PDE4D: variants seen among roughly 807,000 people sequenced by gnomAD.
The protein encoded by PDE4D is 3',5'-cyclic-AMP phosphodiesterase 4D.
Under a neutral mutation model 87.4 loss-of-function variants are expected in PDE4D, and 24 were observed. The observed-to-expected ratio is 0.27, with a 90% CI of 0.20 to 0.39. The LOEUF (loss-of-function observed/expected upper bound fraction) is 0.39, where lower values mean the gene tolerates loss of function less well. Among genes scored for constraint, PDE4D ranks in the 10% least tolerant of loss-of-function variants. The pLI is 1.00. For missense variants in PDE4D, 714 were observed against 1,041.0 expected (o/e 0.69, Z 4.32); for synonymous variants, 384 against 383.2 (o/e 1.00, Z -0.02).
chr5:59,449,785 C>A (rs866260323), intron 1 of PDE4D, among the ~76,000 whole-genome samples: 41 of 151,118 alleles, frequency 2.7e-4, no homozygotes, highest in Admixed American at 2.1e-3. Context: ...AAAAAAAAAA[C>A]CACCTACTTT....
At chr5:60,043,432 G>C (rs1768761467) in intron 2 of PDE4D, among the ~76,000 whole-genome samples, 1 of 152,018 alleles carries the variant, frequency 6.6e-6, no homozygotes, top group Non-Finnish European at 1.5e-5. Flanking sequence ...TTCAAATTCA[G>C]GAAATACAGA....
intron 1 of PDE4D, among the ~76,000 whole-genome samples, chr5:59,687,838 G>A (rs1750167727): frequency 6.6e-6 from 1 of 152,044 alleles, no homozygotes; most frequent in South Asian, 2.1e-4. Flanking sequence ...CACGTGCAGA[G>A]ACACACACAG....
chr5:59,738,681 C>T (rs952521011), intron 1 of PDE4D, among the ~76,000 whole-genome samples: 4 of 151,382 alleles, frequency 2.6e-5, no homozygotes, highest in African/African-American at 9.7e-5. Flanking sequence ...TTTTTACATG[C>T]CTGAAATATT....
intron 1 of PDE4D, among the ~76,000 whole-genome samples, chr5:59,690,548 C>A (rs531902754): frequency 6.6e-6 from 1 of 152,280 alleles, no homozygotes; most frequent in East Asian, 1.9e-4. Flanking sequence ...CTCTTCCGTA[C>A]ACCTTATACA....
At chr5:59,968,263 T>C (rs1431470190) in intron 3 of PDE4D, among the ~76,000 whole-genome samples, 2 of 152,034 alleles carry the variant, frequency 1.3e-5, no homozygotes, top group Non-Finnish European at 2.9e-5. Flanking sequence ...GGATTACAGG[T>C]GTGAGCCACT....
intron 1 of PDE4D, among the ~76,000 whole-genome samples, chr5:59,464,743 C>G (rs1006759899): frequency 3.7e-4 from 56 of 152,270 alleles, no homozygotes; most frequent in African/African-American, 1.3e-3. Context: ...GGAGGGGCAA[C>G]CCACCCCTTC....
chr5:60,202,113 T>C (rs1741985368), intron 1 of PDE4D, among the ~76,000 whole-genome samples: 3 of 152,234 alleles, frequency 2.0e-5, no homozygotes, highest in Admixed American at 2.0e-4. Context: ...CTGAGCACTA[T>C]ATATGCCAGA....
chr5:60,435,661 G>T (rs1744701818), intron 1 of PDE4D, among the ~76,000 whole-genome samples: 1 of 151,680 alleles, frequency 6.6e-6, no homozygotes, highest in African/African-American at 2.4e-5. Flanking sequence ...AATTATTTAG[G>T]ACGTGAAGAT....
chr5:59,901,923 AACACACACACACACACACAC>A (rs59453461), intron 3 of PDE4D, among the ~76,000 whole-genome samples: 14,687 of 134,308 alleles, frequency 0.11, 973 homozygotes, highest in African/African-American at 0.2. Flanking sequence ...CTTACATGCA[AACACACACACACACACACAC>A]ACACACACAC....
chr5:59,570,165 C>A (rs1487374880), intron 1 of PDE4D, among the ~76,000 whole-genome samples: 3 of 152,044 alleles, frequency 2.0e-5, no homozygotes, highest in African/African-American at 7.3e-5. Flanking sequence ...ACCTTCTAGC[C>A]TTGTCTTATT....
intron 3 of PDE4D, among the ~76,000 whole-genome samples, chr5:59,913,410 T>A (rs535525248): frequency 6.6e-6 from 1 of 152,316 alleles, no homozygotes; most frequent in South Asian, 2.1e-4. Flanking sequence ...ACACCTTTCA[T>A]ATATGTGAGA....
At chr5:60,184,587 C>A (rs917677037) in intron 2 of PDE4D, among the ~76,000 whole-genome samples, 1 of 152,170 alleles carries the variant, frequency 6.6e-6, no homozygotes. Flanking sequence ...ATTGGCATAT[C>A]TCTCAGCATA....
intron 11 of PDE4D, among the ~76,000 whole-genome samples, chr5:58,981,143 C>T (rs542383900): frequency 9.2e-4 from 140 of 152,290 alleles, no homozygotes; most frequent in Admixed American, 3.3e-3. Context: ...CTCACAGACG[C>T]ACCCCAAAAT....
chr5:59,977,942 G>A lies in PDE4D; in HGVS notation c.272+10546C>T, dbSNP rs78029989. 8.1e-3 allele frequency among the ~76,000 whole-genome samples: 1,238 copies of A among 152,288 alleles called. 19 individuals are homozygous for A. The highest frequency in any genetic ancestry group is 0.046 in the East Asian group (237 of 5,182). On this transcript the variant is annotated intron_variant, in intron 3 of 16. Coordinates refer to the PDE4D transcript ENST00000502484. Reference sequence around the variant, plus strand: ...ATAAATAAAAAAATAAGGACTGGATGACAGTGTATCTGTTTACAGCATGGT... The same window carrying A: ...ATAAATAAAAAAATAAGGACTGGATAACAGTGTATCTGTTTACAGCATGGT...
chr5:60,295,107 C>A, intron 1 of PDE4D, among the ~76,000 whole-genome samples: 1 of 152,048 alleles, frequency 6.6e-6, no homozygotes, highest in East Asian at 1.9e-4. Flanking sequence ...TAAGTATTTT[C>A]TATTTTCTGG....
At chr5:59,587,719 G>T in intron 1 of PDE4D, 1 of 525,826 alleles carries the variant, frequency 1.9e-6, no homozygotes, top group Non-Finnish European at 2.4e-6. Flanking sequence ...ACATTGCAGA[G>T]CCGCGCACTC....
intron 1 of PDE4D, among the ~76,000 whole-genome samples, chr5:59,271,881 GAGA>G (rs1432907976): frequency 6.6e-6 from 1 of 151,336 alleles, no homozygotes; most frequent in Non-Finnish European, 1.5e-5. Context: ...GTGAAGAAAA[GAGA>G]GGCAGTCCCC....
At chr5:59,631,632 G>T (rs1831573182) in intron 1 of PDE4D, among the ~76,000 whole-genome samples, 2 of 152,132 alleles carry the variant, frequency 1.3e-5, no homozygotes, top group South Asian at 4.2e-4. Flanking sequence ...CCCCACCTGG[G>T]AAGCACAAGG....
intron 1 of PDE4D, among the ~76,000 whole-genome samples, chr5:60,240,707 A>C (rs1230072503): frequency 1.3e-5 from 2 of 152,086 alleles, no homozygotes; most frequent in East Asian, 3.9e-4. Flanking sequence ...TTTGGGAGAA[A>C]GTAACGGAAG....
Sources: allele counts gnomAD v4.1 joint callset (sites outside exome capture counted in the v4.1 genomes callset), GRCh38; gene constraint gnomAD v4.1.1; transcripts MANE v1.5; gene names NCBI Gene and HGNC (gene_info 2026-07-23, HGNC 2026-07-21).